The following MYRIP variants were observed in gnomAD, a reference collection of about 807,000 sequenced individuals.
The protein encoded by MYRIP is rab effector MyRIP.
In MYRIP, 49 loss-of-function variants were observed where a neutral mutation model predicts 98.0. That is an observed-to-expected ratio of 0.50 (90% CI 0.40 to 0.63). The LOEUF (loss-of-function observed/expected upper bound fraction) is 0.63, where lower values mean the gene tolerates loss of function less well. Ranked by LOEUF, MYRIP falls within the 30% of genes least tolerant of loss-of-function variation. MYRIP has a pLI of 0.00. For missense variants in MYRIP, 1,004 were observed against 1,058.2 expected (o/e 0.95, Z 0.71); for synonymous variants, 404 against 409.5 (o/e 0.99, Z 0.16).
chr3:39,972,796 T>C (rs2125746868), intron 2 of MYRIP, among the ~76,000 whole-genome samples: 1 of 149,874 alleles, frequency 6.7e-6, no homozygotes, highest in Non-Finnish European at 1.5e-5. Context: ...GAATGGGTCC[T>C]TCTTTCCATA....
At chr3:39,847,919 C>T (rs553384548) in intron 1 of MYRIP, among the ~76,000 whole-genome samples, 19 of 152,286 alleles carry the variant, frequency 1.2e-4, no homozygotes, top group African/African-American at 4.1e-4. Flanking sequence ...TAAACCTGGG[C>T]ATGATTAGGG....
At chr3:39,860,659 A>G (rs1025994636) in intron 1 of MYRIP, among the ~76,000 whole-genome samples, 6 of 152,100 alleles carry the variant, frequency 3.9e-5, no homozygotes, top group African/African-American at 1.4e-4. Context: ...CTGACCATTG[A>G]AGAGCTCCAG....
At chr3:39,930,902 G>T (rs1200944760) in intron 2 of MYRIP, among the ~76,000 whole-genome samples, 1 of 152,034 alleles carries the variant, frequency 6.6e-6, no homozygotes, top group South Asian at 2.1e-4. Context: ...GGCAGTACAA[G>T]AATGTTTTGG....
chr3:39,996,102 G>T, intron 2 of MYRIP, among the ~76,000 whole-genome samples: 1 of 152,146 alleles, frequency 6.6e-6, no homozygotes, highest in Non-Finnish European at 1.5e-5. Context: ...AGACCATCGA[G>T]GCTAGGAAGG....
At chr3:39,998,517 T>G (rs1472647061) in intron 2 of MYRIP, among the ~76,000 whole-genome samples, 5 of 151,966 alleles carry the variant, frequency 3.3e-5, no homozygotes. Context: ...CACTGCTCAA[T>G]GAAATAAAGG....
At chr3:39,918,863 T>C (rs766287829) in intron 2 of MYRIP, among the ~76,000 whole-genome samples, 1 of 152,168 alleles carries the variant, frequency 6.6e-6, no homozygotes, top group Non-Finnish European at 1.5e-5. Context: ...GCAGACTAAC[T>C]ACAGCTGTAG....
At chr3:39,930,113 C>T (rs894800510) in intron 2 of MYRIP, among the ~76,000 whole-genome samples, 2 of 151,958 alleles carry the variant, frequency 1.3e-5, no homozygotes, top group Non-Finnish European at 2.9e-5. Context: ...TTCTGTTTAA[C>T]CTTTTGAGAA....
chr3:40,236,938 C>T (rs2125703913), intron 12 of MYRIP, among the ~76,000 whole-genome samples: 1 of 152,228 alleles, frequency 6.6e-6, no homozygotes, highest in Admixed American at 6.5e-5. Flanking sequence ...CTTGGCCTCC[C>T]ACAGGGCTGG....
chr3:39,908,949 A>C (rs996395419), intron 2 of MYRIP, among the ~76,000 whole-genome samples: 3 of 151,900 alleles, frequency 2.0e-5, no homozygotes, highest in African/African-American at 7.3e-5. Context: ...TTCTGTACTA[A>C]CACTTTGGCA....
chr3:39,923,182 A>G (rs1047944458), intron 2 of MYRIP, among the ~76,000 whole-genome samples: 8 of 152,172 alleles, frequency 5.3e-5, no homozygotes, highest in Non-Finnish European at 8.8e-5. Flanking sequence ...CTGAAAGTGA[A>G]TAGAGCCTCA....
intron 16 of MYRIP, 127 bp from the exon 17 acceptor site, chr3:40,258,007 G>GA (rs1362133824): frequency 1.0e-6 from 1 of 995,166 alleles, no homozygotes; most frequent in Non-Finnish European, 1.6e-6. Flanking sequence ...TAAATGTTGT[G>GA]AAACATCTAA....
At chr3:40,078,245 A>G (rs1948395676) in intron 3 of MYRIP, among the ~76,000 whole-genome samples, 1 of 152,118 alleles carries the variant, frequency 6.6e-6, no homozygotes, top group South Asian at 2.1e-4. Context: ...GCCCACGCCC[A>G]CCCGGAACTC....
intron 8 of MYRIP, among the ~76,000 whole-genome samples, chr3:40,170,827 T>G (rs944446110): frequency 6.6e-6 from 1 of 152,082 alleles, no homozygotes; most frequent in Non-Finnish European, 1.5e-5. Flanking sequence ...ACTTCAAAAC[T>G]GGAAAGTCAG....
chr3:40,039,469 G>A (rs1193971659), intron 2 of MYRIP, among the ~76,000 whole-genome samples: 1 of 152,208 alleles, frequency 6.6e-6, no homozygotes, highest in East Asian at 1.9e-4. Context: ...AATCAGGTAA[G>A]ACAAGGCCTA....
At chr3:39,953,757 A>G (rs1945087172) in intron 2 of MYRIP, among the ~76,000 whole-genome samples, 1 of 152,118 alleles carries the variant, frequency 6.6e-6, no homozygotes, top group Non-Finnish European at 1.5e-5. Flanking sequence ...GGGGTCAGGG[A>G]ATTCCTTTTC....
chr3:39,812,105 TAC>T lies in MYRIP; in HGVS notation c.-31+2192_-31+2193del, dbSNP rs905373785. On this transcript the variant is annotated intron_variant, in intron 1 of 16. Transcript: ENST00000302541. Reference sequence around the variant, plus strand: ...CAGAAAATAATGCAGTTCTGAAGGATACACTCAGTGGATTGTCACAACTGAGC... The same window carrying T: ...CAGAAAATAATGCAGTTCTGAAGGATACTCAGTGGATTGTCACAACTGAGC... Among the ~76,000 whole-genome samples the T allele has an allele frequency of 1.1e-4, 17 of 152,294 alleles. No homozygotes were observed. The South Asian group carries it at 1.7e-3, about 15-fold the overall frequency.
intron 3 of MYRIP, among the ~76,000 whole-genome samples, chr3:40,076,255 C>T (rs1948341088): frequency 6.6e-6 from 1 of 152,096 alleles, no homozygotes; most frequent in African/African-American, 2.4e-5. Context: ...ATTTAAAGAA[C>T]AGAAAAGTAA....
At chr3:40,241,696 C>T (rs1239388781) in intron 12 of MYRIP, among the ~76,000 whole-genome samples, 1 of 152,170 alleles carries the variant, frequency 6.6e-6, no homozygotes, top group Non-Finnish European at 1.5e-5. Flanking sequence ...TCTGAGAAAG[C>T]CTTGTTGAAC....
At chr3:39,899,844 G>A (rs1363881450) in intron 1 of MYRIP, among the ~76,000 whole-genome samples, 1 of 152,026 alleles carries the variant, frequency 6.6e-6, no homozygotes, top group African/African-American at 2.4e-5. Context: ...TTTTTGAGAT[G>A]GAGTCTCGCT....
Sources: allele counts gnomAD v4.1 joint callset (sites outside exome capture counted in the v4.1 genomes callset), GRCh38; gene constraint gnomAD v4.1.1; transcripts MANE v1.5; gene names NCBI Gene and HGNC (gene_info 2026-07-23, HGNC 2026-07-21).